The following KCNB2 variants were observed in gnomAD, a reference collection of about 807,000 sequenced individuals.
KCNB2 encodes the protein delayed rectifier potassium channel protein.
In KCNB2, 15 loss-of-function variants were observed where a neutral mutation model predicts 61.5. The observed-to-expected ratio is 0.24, with a 90% CI of 0.16 to 0.38. The LOEUF (loss-of-function observed/expected upper bound fraction) is 0.38, where lower values mean the gene tolerates loss of function less well. KCNB2 is among the 10% of genes least tolerant of loss of function. The pLI is 1.00. For missense variants in KCNB2, 828 were observed against 1,125.2 expected (o/e 0.74, Z 3.78); for synonymous variants, 457 against 446.0 (o/e 1.02, Z -0.31).
chr8:72,901,071 G>A (rs549935420), intron 2 of KCNB2, among the ~76,000 whole-genome samples: 21 of 152,252 alleles, frequency 1.4e-4, no homozygotes, highest in East Asian at 1.9e-4. Flanking sequence ...TAGCAAAGAC[G>A]TGGTAGCTTT....
intron 2 of KCNB2, among the ~76,000 whole-genome samples, chr8:72,617,128 G>C (rs1242326930): frequency 6.6e-6 from 1 of 152,158 alleles, no homozygotes; most frequent in East Asian, 1.9e-4. Context: ...GGGGGAAATG[G>C]TCTGTGCCTT....
At chr8:72,636,641 A>G (rs1805971059) in intron 2 of KCNB2, among the ~76,000 whole-genome samples, 1 of 152,154 alleles carries the variant, frequency 6.6e-6, no homozygotes, top group Admixed American at 6.5e-5. Flanking sequence ...AAGGTCATAC[A>G]GCCACAAAGA....
At chr8:72,749,131 A>T (rs1184284474) in intron 2 of KCNB2, among the ~76,000 whole-genome samples, 1 of 151,790 alleles carries the variant, frequency 6.6e-6, no homozygotes, top group Admixed American at 6.6e-5. Context: ...TTATTTATTT[A>T]TTTATTTTTT....
At chr8:72,886,693 C>T (rs924616896) in intron 2 of KCNB2, among the ~76,000 whole-genome samples, 2 of 152,210 alleles carry the variant, frequency 1.3e-5, no homozygotes, top group Non-Finnish European at 1.5e-5. Context: ...ACGTAATTTC[C>T]CCTGATGCTG....
intron 2 of KCNB2, among the ~76,000 whole-genome samples, chr8:72,916,424 A>G (rs1377453151): frequency 1.3e-5 from 2 of 152,110 alleles, no homozygotes; most frequent in African/African-American, 4.8e-5. Flanking sequence ...CACAGGTGAG[A>G]GGAGCCAGGG....
At chr8:72,573,165 AAAAAT>A (rs1806740725) in intron 2 of KCNB2, among the ~76,000 whole-genome samples, 1 of 131,546 alleles carries the variant, frequency 7.6e-6, no homozygotes, top group African/African-American at 4.2e-5. Flanking sequence ...CAGAAATAGT[AAAAAT>A]AAAATAAAAC....
intron 2 of KCNB2, among the ~76,000 whole-genome samples, chr8:72,788,100 C>T (rs1808872554): frequency 6.6e-6 from 1 of 152,278 alleles, no homozygotes; most frequent in African/African-American, 2.4e-5. Flanking sequence ...AAGGACTTGG[C>T]ATTCTGTTCA....
In KCNB2 at chr8:72,589,211, C is replaced by T. The variant is rs1010180777; in HGVS notation, c.579+20898C>T. On this transcript the variant is annotated intron_variant, in intron 2 of 2. Coordinates refer to ENST00000523207, the MANE Select transcript of KCNB2 (RefSeq NM_004770.3). The stretch of plus-strand genomic sequence containing the variant: ...AATGTGTGAGTGTAGGTTCCTTCTT[C>T]TGCAGATCATATAGAATGAATGATG... Among the ~76,000 whole-genome samples, 4 of 152,258 alleles carry T rather than the reference C, an allele frequency of 2.6e-5. No homozygotes were observed. In the East Asian group the frequency reaches 7.7e-4, roughly 29 times the overall value.
intron 2 of KCNB2, among the ~76,000 whole-genome samples, chr8:72,904,868 C>T (rs1806148639): frequency 6.6e-6 from 1 of 152,150 alleles, no homozygotes; most frequent in East Asian, 1.9e-4. Flanking sequence ...TTCCCTTCTT[C>T]CCTCCATCCT....
intron 2 of KCNB2, among the ~76,000 whole-genome samples, chr8:72,902,664 A>G (rs1045461925): frequency 6.6e-6 from 1 of 152,292 alleles, no homozygotes; most frequent in Admixed American, 6.5e-5. Context: ...TCATTAAATG[A>G]ACAACTGAAT....
chr8:72,586,290 A>T (rs1033096979), intron 2 of KCNB2, among the ~76,000 whole-genome samples: 1 of 152,260 alleles, frequency 6.6e-6, no homozygotes, highest in African/African-American at 2.4e-5. Context: ...TTCCATTTGT[A>T]GCCACTTTTT....
At chr8:72,691,205 G>C (rs1438683253) in intron 2 of KCNB2, among the ~76,000 whole-genome samples, 2 of 152,154 alleles carry the variant, frequency 1.3e-5, no homozygotes, top group East Asian at 3.9e-4. Flanking sequence ...TCTAGCAACG[G>C]ACATCACTGT....
chr8:72,928,943 GT>G (rs35024984), intron 2 of KCNB2, among the ~76,000 whole-genome samples: 43,957 of 150,036 alleles, frequency 0.29, 7,658 homozygotes, highest in Non-Finnish European at 0.4. Context: ...GAGATAAACA[GT>G]TTTTTTTTTA....
intron 2 of KCNB2, among the ~76,000 whole-genome samples, chr8:72,892,578 C>A (rs1805915687): frequency 1.3e-5 from 2 of 152,122 alleles, no homozygotes; most frequent in Non-Finnish European, 2.9e-5. Flanking sequence ...TACAGACCAT[C>A]CATATTTTGT....
chr8:72,887,289 A>C (rs6996335), intron 2 of KCNB2, among the ~76,000 whole-genome samples: 6,071 of 152,320 alleles, frequency 0.04, 380 homozygotes, highest in African/African-American at 0.13. Flanking sequence ...TCATGAGGGC[A>C]ATGGATCTTG....
intron 2 of KCNB2, among the ~76,000 whole-genome samples, chr8:72,922,417 C>T (rs1322443437): frequency 6.6e-6 from 1 of 152,222 alleles, no homozygotes; most frequent in East Asian, 1.9e-4. Flanking sequence ...GCTGCTATAA[C>T]AAAATACCTT....
At chr8:72,748,832 C>A (rs1195628959) in intron 2 of KCNB2, among the ~76,000 whole-genome samples, 1 of 151,732 alleles carries the variant, frequency 6.6e-6, no homozygotes, top group African/African-American at 2.4e-5. Flanking sequence ...ATATGTATTA[C>A]CTCACATACC....
At chr8:72,581,367 G>C (rs1376845359) in intron 2 of KCNB2, among the ~76,000 whole-genome samples, 3 of 152,096 alleles carry the variant, frequency 2.0e-5, no homozygotes, top group Non-Finnish European at 4.4e-5. Context: ...TCATGATTTT[G>C]ACTGTGCTGT....
At chr8:72,862,408 T>C (rs905043632) in intron 2 of KCNB2, among the ~76,000 whole-genome samples, 1 of 152,232 alleles carries the variant, frequency 6.6e-6, no homozygotes, top group African/African-American at 2.4e-5. Flanking sequence ...AAGTGGCCAC[T>C]AACTGTATAG....
Sources: gnomAD v4.1 joint callset for allele counts (sites outside exome capture counted in the v4.1 genomes callset) on GRCh38, gnomAD v4.1.1 for gene constraint, MANE v1.5 for transcripts, NCBI Gene and HGNC (gene_info 2026-07-23, HGNC 2026-07-21) for gene names.